VRK1: variants seen among roughly 807,000 people sequenced by gnomAD.
VRK1 encodes the protein serine/threonine-protein kinase VRK1.
In VRK1, 33 loss-of-function variants were observed where a neutral mutation model predicts 57.1. That is an observed-to-expected ratio of 0.58 (90% CI 0.44 to 0.77). VRK1 has a LOEUF of 0.77. Among genes scored for constraint, VRK1 ranks in the 30% least tolerant of loss-of-function variants. VRK1 has a pLI of 0.00. For synonymous variants in VRK1, 137 were observed against 147.8 expected (o/e 0.93, Z 0.53); for missense variants, 413 against 477.3 (o/e 0.87, Z 1.25).
At chr14:96,845,298 T>C (rs1887636805) in intron 3 of VRK1, among the ~76,000 whole-genome samples, 1 of 152,184 alleles carries the variant, frequency 6.6e-6, no homozygotes, top group Admixed American at 6.5e-5. Flanking sequence ...ATTTACTATT[T>C]AAAAAGTCCA....
At chr14:96,881,073 A>T in intron 12 of VRK1, 104 bp from the exon 13 acceptor site, 36 of 1,003,986 alleles carry the variant, frequency 3.6e-5, no homozygotes, top group Non-Finnish European at 4.4e-5. Context: ...AGTCGATTTG[A>T]TTTTAAAATG....
At chr14:96,803,168 ATTTTT>A (rs747521306) in intron 1 of VRK1, among the ~76,000 whole-genome samples, 1 of 127,920 alleles carries the variant, frequency 7.8e-6, no homozygotes, top group East Asian at 2.3e-4. Context: ...TGATGCTGGC[ATTTTT>A]TTTTTTTTTT....
At chr14:96,844,409 C>G (rs1887590804) in intron 3 of VRK1, among the ~76,000 whole-genome samples, 2 of 152,196 alleles carry the variant, frequency 1.3e-5, no homozygotes, top group African/African-American at 4.8e-5. Flanking sequence ...GAAAAGTATA[C>G]TTACCTGTAA....
chr14:96,830,641 G>C (rs555041217), intron 1 of VRK1, among the ~76,000 whole-genome samples: 1 of 152,080 alleles, frequency 6.6e-6, no homozygotes, highest in South Asian at 2.1e-4. Flanking sequence ...TTTTCTAAAG[G>C]GATTTTTTTT....
chr14:96,857,546 T>C (rs1888213844), intron 10 of VRK1, among the ~76,000 whole-genome samples: 2 of 152,126 alleles, frequency 1.3e-5, no homozygotes, highest in African/African-American at 4.8e-5. Flanking sequence ...GAACTGCTTA[T>C]CCTGAGGGGA....
intron 1 of VRK1, among the ~76,000 whole-genome samples, chr14:96,813,116 C>T (rs907546863): frequency 1.3e-5 from 2 of 152,136 alleles, no homozygotes; most frequent in Non-Finnish European, 1.5e-5. Context: ...CCTGATTTGG[C>T]GATCCTCACA....
At position 96,839,084 on chromosome 14, in the gene VRK1, G is replaced by GTTTT. The variant is rs555020075; in HGVS notation, c.216+1283_216+1286dup. ...CCTTGGAGGCAACCACTTGTCTTGA[G>GTTTT]TTTTTTTTTTTTTTTTTTTGCCGTG... On this transcript the variant is annotated intron_variant, in intron 3 of 12. Coordinates refer to ENST00000216639, the MANE Select transcript of VRK1 (RefSeq NM_003384.3). 1.1e-3 allele frequency among the ~76,000 whole-genome samples: 121 copies of GTTTT among 112,374 alleles called. 2 individuals are homozygous for GTTTT. The highest frequency in any genetic ancestry group is 1.7e-3 in the Non-Finnish European group (92 of 54,144). 73.7% of individuals were successfully genotyped at this position (112,374 alleles called of 152,430 possible).
chr14:96,850,722 A>G (rs969256365), intron 5 of VRK1, among the ~76,000 whole-genome samples: 5 of 152,202 alleles, frequency 3.3e-5, no homozygotes, highest in African/African-American at 9.6e-5. Context: ...CAGGTTAAGT[A>G]TGCCTTATCT....
At chr14:96,854,080 T>TATA (rs780087231) in intron 7 of VRK1, among the ~76,000 whole-genome samples, 19 of 152,090 alleles carry the variant, frequency 1.2e-4, no homozygotes, top group Non-Finnish European at 2.4e-4. Flanking sequence ...GGAATCTATA[T>TATA]AAGTATAAAA....
chr14:96,852,131 T>C (rs1047070836), intron 5 of VRK1, among the ~76,000 whole-genome samples: 1 of 152,230 alleles, frequency 6.6e-6, no homozygotes, highest in Admixed American at 6.5e-5. Flanking sequence ...ATCTGAGTTT[T>C]GGGTGTTGAA....
intron 1 of VRK1, among the ~76,000 whole-genome samples, chr14:96,818,692 T>C (rs1886484603): frequency 2.0e-5 from 3 of 152,328 alleles, no homozygotes; most frequent in South Asian, 2.1e-4. Context: ...TTCATTGATA[T>C]GCATAATTCT....
intron 3 of VRK1, among the ~76,000 whole-genome samples, chr14:96,839,662 T>A (rs1887374600): frequency 6.6e-6 from 1 of 152,212 alleles, no homozygotes; most frequent in Non-Finnish European, 1.5e-5. Flanking sequence ...GGAGTGCCTC[T>A]TCCATTCTTT....
chr14:96,874,546 A>G (rs145373008), intron 11 of VRK1, among the ~76,000 whole-genome samples: 265 of 152,322 alleles, frequency 1.7e-3, no homozygotes, highest in African/African-American at 6.0e-3. Flanking sequence ...CCACTCTTAC[A>G]GCTATTTTTG....
intron 1 of VRK1, among the ~76,000 whole-genome samples, chr14:96,810,830 C>G (rs781645712): frequency 3.3e-5 from 5 of 152,120 alleles, no homozygotes; most frequent in Non-Finnish European, 7.3e-5. Context: ...CATCTCCCAG[C>G]TTTATGTTGT....
chr14:96,880,874 G>A (rs1889233262), intron 12 of VRK1, among the ~76,000 whole-genome samples: 1 of 152,030 alleles, frequency 6.6e-6, no homozygotes, highest in Non-Finnish European at 1.5e-5. Flanking sequence ...TTAAATTTTG[G>A]AGAGAAATAT....
At chr14:96,857,418 T>C (rs907758810) in intron 10 of VRK1, among the ~76,000 whole-genome samples, 12 of 152,068 alleles carry the variant, frequency 7.9e-5, no homozygotes, top group African/African-American at 2.9e-4. Context: ...AAGAGAGTTC[T>C]AGGCAGAAGG....
At chr14:96,807,962 C>CCCTCT (rs2139686875) in intron 1 of VRK1, among the ~76,000 whole-genome samples, 1 of 121,116 alleles carries the variant, frequency 8.3e-6, no homozygotes, top group African/African-American at 3.2e-5. Context: ...TCTGTCTCTC[C>CCCTCT]CTCCCTCTCT....
intron 10 of VRK1, 45 bp from the exon 11 acceptor site, chr14:96,860,512 G>C (rs1888342200): frequency 1.3e-6 from 2 of 1,557,666 alleles, no homozygotes; most frequent in Non-Finnish European, 1.8e-6. Flanking sequence ...AGAGGTTAGA[G>C]AGAAATATAT....
chr14:96,860,888 G>A (rs770334207), intron 11 of VRK1, 153 bp downstream of exon 11: 11 of 661,016 alleles, frequency 1.7e-5, no homozygotes, highest in Non-Finnish European at 2.7e-5. Context: ...AATGTGTAGA[G>A]GGTTGTAGAA....
Sources: allele counts gnomAD v4.1 joint callset (sites outside exome capture counted in the v4.1 genomes callset), GRCh38; gene constraint gnomAD v4.1.1; transcripts MANE v1.5; gene names NCBI Gene and HGNC (gene_info 2026-07-23, HGNC 2026-07-21).